NARS2: variants seen among roughly 807,000 people sequenced by gnomAD.
NARS2 encodes asparaginyl-tRNA synthetase.
In NARS2, 60 loss-of-function variants were observed where a neutral mutation model predicts 62.9. That is an observed-to-expected ratio of 0.95 (90% CI 0.77 to 1.18). The LOEUF is 1.18. Among genes scored for constraint, NARS2 ranks in the 50% most tolerant of loss-of-function variants. The pLI, the probability that NARS2 is intolerant of heterozygous loss-of-function variation, is 0.00. For missense variants in NARS2, 619 were observed against 576.4 expected, an observed-to-expected ratio of 1.07 and a Z score of -0.76; for synonymous variants, 196 against 200.0, an observed-to-expected ratio of 0.98 and a Z score of 0.17.
At chr11:78,478,259 T>G (rs1859190316) in intron 9 of NARS2, among the ~76,000 whole-genome samples, 179 bp downstream of exon 9, 1 of 151,898 alleles carries the variant, frequency 6.6e-6, no homozygotes, top group Non-Finnish European at 1.5e-5. Context: ...TAAAAATAAT[T>G]AGAACATGGG....
chr11:78,556,011 T>C (rs1856338501), intron 5 of NARS2, among the ~76,000 whole-genome samples: 2 of 152,336 alleles, frequency 1.3e-5, no homozygotes, highest in South Asian at 2.1e-4. Context: ...TGTGTTGACT[T>C]CTATTTTATT....
chr11:78,552,735 T>C (rs965283914), intron 5 of NARS2, among the ~76,000 whole-genome samples: 1 of 152,142 alleles, frequency 6.6e-6, no homozygotes, highest in Non-Finnish European at 1.5e-5. Flanking sequence ...ATCGAACCAA[T>C]GTTCATCTTA....
chr11:78,484,913 C>T (rs929987440), intron 7 of NARS2, among the ~76,000 whole-genome samples: 1 of 152,174 alleles, frequency 6.6e-6, no homozygotes, highest in Admixed American at 6.5e-5. Flanking sequence ...AATCATTCTA[C>T]TTTATAAAGA....
At chr11:78,449,428 C>T (rs1274027742) in intron 11 of NARS2, among the ~76,000 whole-genome samples, 2 of 151,932 alleles carry the variant, frequency 1.3e-5, no homozygotes, top group African/African-American at 4.8e-5. Flanking sequence ...TGAGCCACCG[C>T]GCCTGGCCAA....
At chr11:78,563,220 T>TC (rs1253067300) in intron 4 of NARS2, among the ~76,000 whole-genome samples, 1 of 146,748 alleles carries the variant, frequency 6.8e-6, no homozygotes, top group Non-Finnish European at 1.5e-5. Flanking sequence ...CTTGAATTTT[T>TC]TTTTTTTTTT....
At chr11:78,451,794 T>C (rs2135165835) in intron 11 of NARS2, among the ~76,000 whole-genome samples, 1 of 152,322 alleles carries the variant, frequency 6.6e-6, no homozygotes, top group Middle Eastern at 3.4e-3. Flanking sequence ...TATCAAAAGC[T>C]CAGATATTGA....
chr11:78,513,776 T>C (rs906047118), intron 6 of NARS2, among the ~76,000 whole-genome samples: 1 of 152,138 alleles, frequency 6.6e-6, no homozygotes, highest in Admixed American at 6.5e-5. Flanking sequence ...ATGATATAGT[T>C]GGGCTACCTG....
chr11:78,509,232 G>A (rs1860623593), intron 6 of NARS2, among the ~76,000 whole-genome samples: 1 of 151,994 alleles, frequency 6.6e-6, no homozygotes, highest in Admixed American at 6.6e-5. Flanking sequence ...CTTATATTTG[G>A]CAAAACTGTC....
chr11:78,440,961 G>T, intron 13 of NARS2, 130 bp downstream of exon 13: 1 of 757,852 alleles, frequency 1.3e-6, no homozygotes, highest in South Asian at 2.0e-5. Flanking sequence ...CCCCTTCCCT[G>T]ACCTAAGAAC....
At chr11:78,516,401 T>G (rs1860912165) in intron 6 of NARS2, among the ~76,000 whole-genome samples, 1 of 152,242 alleles carries the variant, frequency 6.6e-6, no homozygotes, top group South Asian at 2.1e-4. Context: ...AAAAATGCAC[T>G]TCCGTGTAAT....
chr11:78,509,826 CAAAA>C (rs71046976), intron 6 of NARS2, among the ~76,000 whole-genome samples: 1 of 116,736 alleles, frequency 8.6e-6, no homozygotes, highest in African/African-American at 3.6e-5. Flanking sequence ...GACTCTGTCT[CAAAA>C]AAAAAAAAAA....
intron 6 of NARS2, among the ~76,000 whole-genome samples, chr11:78,524,952 T>A (rs1288268469): frequency 3.3e-5 from 5 of 152,096 alleles, no homozygotes; most frequent in Admixed American, 3.3e-4. Flanking sequence ...AACAGAATAT[T>A]ATTTAGCACT....
rs1268017284 is a variant in NARS2 at position 78,531,256 on chromosome 11, C to T, written c.595-2320G>A. On this transcript the variant is annotated intron_variant, in intron 5 of 13. Coordinates refer to ENST00000281038, the MANE Select transcript of NARS2 (RefSeq NM_024678.6). ...CAAATTAAAAATGGTAGACTCCACCCAACAGCAGCAGAATATACGTTTTTT... is the reference window on the plus strand; with the variant it reads ...CAAATTAAAAATGGTAGACTCCACCTAACAGCAGCAGAATATACGTTTTTT... Among the ~76,000 whole-genome samples the T allele has an allele frequency of 2.6e-5, 4 of 151,988 alleles. No individual in the cohort carries two copies. In the East Asian group the frequency reaches 5.8e-4, roughly 22 times the overall value.
rs570755898 is a variant in NARS2 at position 78,549,188 on chromosome 11, A to C, written c.594+10351T>G. ...TGCTGCTGAGAACACTAGGGTCCTG[A>C]CAGCTTTTGCCCCAGATCCTGGGGT... On this transcript the variant is annotated intron_variant, in intron 5 of 13. Coordinates refer to ENST00000281038, the MANE Select transcript of NARS2 (RefSeq NM_024678.6). Among the ~76,000 whole-genome samples the C allele has an allele frequency of 7.5e-4, 114 of 152,316 alleles. 1 individual carries two copies. Among genetic ancestry groups the C allele is most frequent in the Non-Finnish European group, 1.3e-3 (91 of 68,002 alleles).
chr11:78,456,055 CTTA>C (rs1244227595), intron 11 of NARS2, among the ~76,000 whole-genome samples: 1 of 152,096 alleles, frequency 6.6e-6, no homozygotes, highest in Non-Finnish European at 1.5e-5. Context: ...CAAAGTTAAT[CTTA>C]TTTAGTTAAG....
At chr11:78,439,733 G>T (rs1857518654) in intron 13 of NARS2, among the ~76,000 whole-genome samples, 1 of 152,134 alleles carries the variant, frequency 6.6e-6, no homozygotes, top group African/African-American at 2.4e-5. Context: ...AAAGGCGAGG[G>T]TGTAGGTAAC....
intron 6 of NARS2, among the ~76,000 whole-genome samples, chr11:78,499,307 T>C (rs767354911): frequency 1.3e-5 from 2 of 151,992 alleles, no homozygotes; most frequent in Admixed American, 1.3e-4. Flanking sequence ...GATCCCCAAA[T>C]TGCACTTTTT....
chr11:78,553,540 C>T (rs868333637), intron 5 of NARS2, among the ~76,000 whole-genome samples: 2 of 152,148 alleles, frequency 1.3e-5, no homozygotes, highest in East Asian at 1.9e-4. Flanking sequence ...CCATCCAACT[C>T]GGCCTCCCAA....
At chr11:78,469,206 C>G (rs377264119) in intron 10 of NARS2, 41 bp downstream of exon 10, 19 of 1,325,344 alleles carry the variant, frequency 1.4e-5, no homozygotes, top group Non-Finnish European at 2.0e-5. Context: ...AAGAAGGAAG[C>G]ATTTTCACAC....
Sources: allele counts gnomAD v4.1 joint callset (sites outside exome capture counted in the v4.1 genomes callset), GRCh38; gene constraint gnomAD v4.1.1; transcripts MANE v1.5; gene names NCBI Gene and HGNC (gene_info 2026-07-23, HGNC 2026-07-21).